The following EPB41L2 variants were observed in gnomAD, a reference collection of about 807,000 sequenced individuals.
EPB41L2 encodes band 4.1-like protein 2.
In EPB41L2, 43 loss-of-function variants were observed where a neutral mutation model predicts 113.0. The ratio of observed to expected loss-of-function variants is 0.38; its 90% confidence interval spans 0.30 to 0.49. The LOEUF (loss-of-function observed/expected upper bound fraction) is 0.49. Among genes scored for constraint, EPB41L2 ranks in the 20% least tolerant of loss-of-function variants. The pLI, the probability that EPB41L2 is intolerant of heterozygous loss-of-function variation, is 0.95. For missense variants in EPB41L2, 1,147 were observed against 1,223.4 expected (o/e 0.94, Z 0.93); for synonymous variants, 442 against 436.7 (o/e 1.01, Z -0.15).
chr6:130,903,855 G>A (rs1245390463), intron 6 of EPB41L2, among the ~76,000 whole-genome samples: 1 of 152,108 alleles, frequency 6.6e-6, no homozygotes, highest in East Asian at 1.9e-4. Flanking sequence ...ATGTTTCTTG[G>A]TTGCCATTCA....
intron 3 of EPB41L2, among the ~76,000 whole-genome samples, chr6:130,945,021 A>G (rs1392809265): frequency 1.3e-5 from 2 of 152,232 alleles, no homozygotes; most frequent in Non-Finnish European, 2.9e-5. Flanking sequence ...AAGGATAAAG[A>G]CATGCCACCT....
At chr6:131,043,949 G>A (rs1794923798) in intron 1 of EPB41L2, among the ~76,000 whole-genome samples, 1 of 151,916 alleles carries the variant, frequency 6.6e-6, no homozygotes, top group Non-Finnish European at 1.5e-5. Context: ...GCTGAATGGT[G>A]GGAAAGGAAC....
At chr6:130,884,901 A>T (rs186449028) in intron 12 of EPB41L2, among the ~76,000 whole-genome samples, 195 bp downstream of exon 12, 2 of 152,242 alleles carry the variant, frequency 1.3e-5, no homozygotes, top group African/African-American at 4.8e-5. Context: ...CATTAAAATA[A>T]CTTACATTGA....
intron 1 of EPB41L2, among the ~76,000 whole-genome samples, chr6:131,030,250 G>A (rs1051647384): frequency 6.6e-6 from 1 of 152,204 alleles, no homozygotes; most frequent in African/African-American, 2.4e-5. Flanking sequence ...GCCAGGCTGA[G>A]ATGGGCTACA....
intron 5 of EPB41L2, among the ~76,000 whole-genome samples, chr6:130,907,874 CA>C (rs1220185482): frequency 3.9e-5 from 6 of 152,084 alleles, no homozygotes; most frequent in African/African-American, 9.7e-5. Context: ...ATCAACAGTA[CA>C]AAGGGCATCT....
chr6:130,872,673 T>A, intron 14 of EPB41L2: 2 of 533,998 alleles, frequency 3.7e-6, no homozygotes, highest in Non-Finnish European at 5.5e-6. Context: ...AGATGAGAAT[T>A]CTGACAGATT....
intron 17 of EPB41L2, 113 bp downstream of exon 17, chr6:130,865,423 C>A: frequency 9.6e-7 from 1 of 1,043,958 alleles, no homozygotes; most frequent in Admixed American, 2.7e-5. Context: ...TTTGATTCCG[C>A]TGGCACTGTC....
At chr6:130,862,908 T>G (rs1009410632) in intron 18 of EPB41L2, among the ~76,000 whole-genome samples, 2 of 152,200 alleles carry the variant, frequency 1.3e-5, no homozygotes, top group East Asian at 1.9e-4. Context: ...CTTTTCCTTT[T>G]CTTCAAGTTG....
chr6:131,023,836 CTCT>C (rs147508967), intron 1 of EPB41L2, among the ~76,000 whole-genome samples: 1 of 151,302 alleles, frequency 6.6e-6, no homozygotes, highest in Non-Finnish European at 1.5e-5. Context: ...GAGTATTTAA[CTCT>C]TTTTTCCCAT....
intron 1 of EPB41L2, among the ~76,000 whole-genome samples, chr6:131,016,847 A>AT (rs1776047655): frequency 1.8e-5 from 2 of 113,088 alleles, no homozygotes; most frequent in African/African-American, 8.9e-5. Context: ...ATATTCGCAC[A>AT]CAAAAAAAAA....
At chr6:131,062,059 G>C (rs1354550484) in intron 1 of EPB41L2, among the ~76,000 whole-genome samples, 1 of 152,022 alleles carries the variant, frequency 6.6e-6, no homozygotes, top group Non-Finnish European at 1.5e-5. Flanking sequence ...TTAAAATTAA[G>C]GGCAGCTGTG....
At chr6:130,844,211 G>T (rs1303889515) in intron 19 of EPB41L2, among the ~76,000 whole-genome samples, 2 of 152,154 alleles carry the variant, frequency 1.3e-5, no homozygotes, top group Non-Finnish European at 2.9e-5. Flanking sequence ...TCAGATTAAT[G>T]AACATTCAAT....
At chr6:130,986,025 C>T (rs546021646) in intron 1 of EPB41L2, among the ~76,000 whole-genome samples, 184 of 152,230 alleles carry the variant, frequency 1.2e-3, no homozygotes, top group African/African-American at 4.3e-3. Flanking sequence ...GAAAAGTAAA[C>T]TACAGACCAA....
At position 130,990,711 on chromosome 6, in the gene EPB41L2, TA is replaced by T. The variant is rs552814539; in HGVS notation, c.-14-34213del. On this transcript the variant is annotated intron_variant, in intron 1 of 19. Coordinates refer to ENST00000337057, the MANE Select transcript of EPB41L2 (RefSeq NM_001431.4). Reference sequence around the variant, plus strand: ...TAGTGCAAGAGTGAAGGATAGTCTGTAAAAGTCTAGACAAAGATCTCATAAT... The same window carrying T: ...TAGTGCAAGAGTGAAGGATAGTCTGTAAAGTCTAGACAAAGATCTCATAAT... Among the ~76,000 whole-genome samples, 20 of 152,278 alleles carry T rather than the reference TA, an allele frequency of 1.3e-4. No homozygotes were observed. The East Asian group carries it at 3.9e-3, about 29-fold the overall frequency.
Position 130,956,343 on chromosome 6 carries a change from T to G in EPB41L2, c.143A>C (p.Gln48Pro), listed in dbSNP as rs1817423462. 1.2e-6 allele frequency: 2 copies of G among 1,614,088 alleles called. No homozygotes were observed. The highest frequency in any genetic ancestry group is 1.6e-4 in the Middle Eastern group (1 of 6,084). The stretch of plus-strand genomic sequence containing the variant: ...TTGGCTTTCAGCTGCAGGAGGTGGC[T>G]GGGAACCTTTTTCCTCCTCTGGATC... Reference protein sequence around the residue: ...SSDPEEEKGSQPPPAAESQSS... With the variant: ...SSDPEEEKGSPPPPAAESQSS... The change falls in exon 2 of 20, where the codon CAG (glutamine) becomes CCG (proline). Residue 48 changes from glutamine to proline, a missense_variant. Transcript: ENST00000337057.
intron 1 of EPB41L2, among the ~76,000 whole-genome samples, chr6:130,974,810 C>T (rs577271139): frequency 2.2e-5 from 3 of 133,820 alleles, no homozygotes; most frequent in East Asian, 4.9e-4. Context: ...ACTACAACCT[C>T]TGCCTCCCAG....
At chr6:130,973,907 G>T (rs552015497) in intron 1 of EPB41L2, among the ~76,000 whole-genome samples, 1 of 152,244 alleles carries the variant, frequency 6.6e-6, no homozygotes, top group African/African-American at 2.4e-5. Context: ...TCTGAAATTT[G>T]TAACTCCATG....
chr6:131,056,550 CTG>C (rs1237510782), intron 1 of EPB41L2, among the ~76,000 whole-genome samples: 1 of 152,220 alleles, frequency 6.6e-6, no homozygotes, highest in African/African-American at 2.4e-5. Flanking sequence ...ATTTCAAAGA[CTG>C]TACTTCCACA....
At chr6:130,871,577 G>A (rs1785691868) in intron 14 of EPB41L2, among the ~76,000 whole-genome samples, 1 of 152,110 alleles carries the variant, frequency 6.6e-6, no homozygotes, top group African/African-American at 2.4e-5. Flanking sequence ...CTGCAGCACT[G>A]TCAACGTCTA....
Sources: gnomAD v4.1 joint callset for allele counts (sites outside exome capture counted in the v4.1 genomes callset) on GRCh38, gnomAD v4.1.1 for gene constraint, MANE v1.5 for transcripts, NCBI Gene and HGNC (gene_info 2026-07-23, HGNC 2026-07-21) for gene names.